The following LVRN variants were observed in gnomAD, a reference collection of about 807,000 sequenced individuals.
The protein encoded by LVRN is laeverin, also known as aminopeptidase Q.
A neutral mutation model predicts 111.4 loss-of-function variants in LVRN; 99 were observed. That is an observed-to-expected ratio of 0.89 (90% CI 0.76 to 1.05). LVRN has a LOEUF of 1.05. Among genes scored for constraint, LVRN ranks in the 50% least tolerant of loss-of-function variants. The pLI, the probability that LVRN is intolerant of heterozygous loss-of-function variation, is 0.00. For synonymous variants in LVRN, 488 were observed against 449.5 expected (o/e 1.09, Z -1.08); for missense variants, 1,414 against 1,206.8 (o/e 1.17, Z -2.54).
intron 1 of LVRN, among the ~76,000 whole-genome samples, chr5:115,968,600 A>C (rs1753253079): frequency 6.6e-6 from 1 of 151,914 alleles, no homozygotes; most frequent in Admixed American, 6.6e-5. Flanking sequence ...CTGGTCCCCC[A>C]CCCTTTTTGA....
At chr5:115,972,122 G>C (rs2112555274) in intron 1 of LVRN, among the ~76,000 whole-genome samples, 1 of 152,150 alleles carries the variant, frequency 6.6e-6, no homozygotes, top group South Asian at 2.1e-4. Context: ...GATAGACAAT[G>C]TTTTCACAGA....
At position 115,999,838 on chromosome 5, in the gene LVRN, T is replaced by C. The variant is rs1164892413; in HGVS notation, c.1451T>C (p.Met484Thr). 1 of 1,613,716 alleles carries C rather than the reference T, an allele frequency of 6.2e-7. No homozygotes were observed. The highest frequency in any genetic ancestry group is 1.7e-5 in the Admixed American group (1 of 59,934). The change falls in exon 7 of 20, where the codon ATG becomes ACG. Residue 484 changes from methionine (M) to threonine (T), a missense_variant. Met to Thr is a moderately conservative substitution (Grantham distance 81). Coordinates refer to ENST00000357872, the MANE Select transcript of LVRN (RefSeq NM_173800.5). Reference sequence around the variant, plus strand: ...GCCCTGGTGACTAGAGCTGTGGCCATGAAGGTGGAAAATTTCAAAACAAGT... The same window carrying C: ...GCCCTGGTGACTAGAGCTGTGGCCACGAAGGTGGAAAATTTCAAAACAAGT... ...DHALVTRAVA[M>T]KVENFKTSEI...
chr5:115,989,031 T>G (rs1247670468), intron 4 of LVRN, among the ~76,000 whole-genome samples: 2 of 152,188 alleles, frequency 1.3e-5, no homozygotes, highest in Admixed American at 1.3e-4. Flanking sequence ...CACTTCTTAC[T>G]GTCCCCCTAG....
intron 2 of LVRN, among the ~76,000 whole-genome samples, chr5:115,983,981 G>C (rs1457893121): frequency 6.6e-6 from 1 of 152,156 alleles, no homozygotes; most frequent in Non-Finnish European, 1.5e-5. Context: ...CTAAAGGCAG[G>C]TTCCCAGGTC....
chr5:115,965,687 T>G lies in LVRN; in HGVS notation c.695+2375T>G, dbSNP rs12153672. Among the ~76,000 whole-genome samples the G allele has an allele frequency of 2.0e-5, 3 of 152,012 alleles. No individual in the cohort carries two copies. The South Asian group carries it at 6.2e-4, about 32-fold the overall frequency. ...GGTTTCCCCCATGCTGTTCTCCTGA[T>G]AGTGAGTGAATCTCATGAGATCTGA... On this transcript the variant is annotated intron_variant, in intron 1 of 19. Coordinates refer to ENST00000357872, the MANE Select transcript of LVRN (RefSeq NM_173800.5).
At chr5:115,968,710 A>T (rs1402756859) in intron 1 of LVRN, among the ~76,000 whole-genome samples, 1 of 152,196 alleles carries the variant, frequency 6.6e-6, no homozygotes, top group Non-Finnish European at 1.5e-5. Context: ...AGAAAGCCAG[A>T]GTCTTTACTT....
intron 12 of LVRN, among the ~76,000 whole-genome samples, chr5:116,005,223 A>G (rs1357516478): frequency 6.6e-6 from 1 of 152,244 alleles, no homozygotes; most frequent in Non-Finnish European, 1.5e-5. Context: ...CCTTAAAGAA[A>G]TGCTGTGAAG....
intron 15 of LVRN, 73 bp downstream of exon 15, chr5:116,012,541 A>G: frequency 1.1e-6 from 1 of 904,216 alleles, no homozygotes. Flanking sequence ...GTAATAAAAT[A>G]AAATCTTCAT....
Position 115,962,579 on chromosome 5 carries a change from C to T in LVRN, c.-39C>T, listed in dbSNP as rs1372786330. On this transcript the variant is annotated 5_prime_UTR_variant, in exon 1 of 20. Coordinates refer to ENST00000357872, the MANE Select transcript of LVRN (RefSeq NM_173800.5). ...CCGGGGTTTTGACAGCTGCCACAGTCTCTGAGCTCCAGCCTCGCGCCTGAA... is the reference window on the plus strand; with the variant it reads ...CCGGGGTTTTGACAGCTGCCACAGTTTCTGAGCTCCAGCCTCGCGCCTGAA... The T allele has an allele frequency of 1.3e-6, 2 of 1,562,906 alleles. No homozygotes were observed. The highest frequency in any genetic ancestry group is 2.3e-5 in the South Asian group (2 of 86,794).
rs371246557 is a variant in LVRN at position 116,026,096 on chromosome 5, C to T, written c.2951C>T (p.Ala984Val). Reference sequence around the variant, plus strand: ...AAGAAGCTAAGTGCCAGGATAGCTGCGTGGCTAAGGAGAAACACATAGCTT... The same window carrying T: ...AAGAAGCTAAGTGCCAGGATAGCTGTGTGGCTAAGGAGAAACACATAGCTT... Reference protein sequence around the residue: ...KNKKLSARIAAWLRRNT With the variant: ...KNKKLSARIAVWLRRNT Residue 984 changes from alanine (A) to valine (V), a missense_variant, in exon 20 of 20, where the codon GCG becomes GTG. Ala to Val is a moderately conservative substitution (Grantham distance 64). Coordinates refer to ENST00000357872, the MANE Select transcript of LVRN (RefSeq NM_173800.5). The T allele has an allele frequency of 8.0e-5, 129 of 1,613,764 alleles. No homozygotes were observed. Among genetic ancestry groups the T allele is most frequent in the East Asian group, 5.6e-4 (25 of 44,862 alleles).
At position 116,001,075 on chromosome 5, in the gene LVRN, T is replaced by A. The variant is rs774234118; in HGVS notation, c.1656T>A (p.Asp552Glu). Reference protein sequence around the residue: ...DLWRHFQMAIDDQSTVILPAT... With the variant: ...DLWRHFQMAIEDQSTVILPAT... ...GTGATTTTTTAAAACAGGCCATAGA[T>A]GACCAGAGTACAGTTATTTTGCCAG... Residue 552 changes from aspartate (D) to glutamate (E), a missense_variant, in exon 10 of 20, where the codon GAT becomes GAA. Physicochemically the swap from Asp to Glu is conservative, Grantham distance 45. Transcript: ENST00000357872. 1 of 1,601,622 alleles carries A rather than the reference T, an allele frequency of 6.2e-7. No homozygotes were observed. Among genetic ancestry groups the A allele is most frequent in the African/African-American group, 1.4e-5 (1 of 73,852 alleles).
chr5:115,991,972 G>A (rs907351283), intron 4 of LVRN, 151 bp from the exon 5 acceptor site: 2 of 631,428 alleles, frequency 3.2e-6, no homozygotes, highest in Admixed American at 3.3e-5. Context: ...TTTGTCTTTG[G>A]CATTAGTCTT....
chr5:115,999,777 T>C lies in LVRN; in HGVS notation c.1390T>C (p.Ser464Pro), dbSNP rs1159171487. 19 of 1,613,414 alleles carry C rather than the reference T, an allele frequency of 1.2e-5. No individual in the cohort carries two copies. Among genetic ancestry groups the C allele is most frequent in the Non-Finnish European group, 1.6e-5 (19 of 1,179,676 alleles). The part of the protein sequence containing the change: ...PKLPRNEIFF[S>P]NILHNILRED... The stretch of plus-strand genomic sequence containing the variant: ...TCCTTTATAGAATGAGATCTTTTTT[T>C]CTAACATTTTACATAATATCCTCAG... Residue 464 changes from serine to proline, a missense_variant, in exon 7 of 20, where the codon TCT (serine) becomes CCT (proline). By Grantham distance (74) the Ser-to-Pro change is moderately conservative. Coordinates refer to ENST00000357872, the MANE Select transcript of LVRN (RefSeq NM_173800.5).
At chr5:115,997,739 A>C (rs1387269346) in intron 6 of LVRN, among the ~76,000 whole-genome samples, 2 of 152,182 alleles carry the variant, frequency 1.3e-5, no homozygotes, top group Non-Finnish European at 2.9e-5. Context: ...GTGAATATAC[A>C]GATTCATATT....
At chr5:115,967,244 C>A (rs13167478) in intron 1 of LVRN, among the ~76,000 whole-genome samples, 3,391 of 152,248 alleles carry the variant, frequency 0.022, 53 homozygotes, top group South Asian at 0.039. Context: ...CTAGGTTCTG[C>A]AGATTTTCTA....
chr5:116,004,444 C>T (rs1247481221), intron 12 of LVRN, among the ~76,000 whole-genome samples: 1 of 152,160 alleles, frequency 6.6e-6, no homozygotes, highest in Non-Finnish European at 1.5e-5. Flanking sequence ...TAAAAGATGT[C>T]TCTCTGTTAA....
At chr5:115,982,106 T>C (rs944055759) in intron 1 of LVRN, among the ~76,000 whole-genome samples, 2 of 152,162 alleles carry the variant, frequency 1.3e-5, no homozygotes, top group African/African-American at 2.4e-5. Context: ...CATATAATAA[T>C]GTGGGCAAGA....
chr5:116,017,072 G>C (rs1463757741), intron 18 of LVRN, among the ~76,000 whole-genome samples: 2 of 152,144 alleles, frequency 1.3e-5, no homozygotes, highest in South Asian at 4.1e-4. Flanking sequence ...AGGGCTTTTG[G>C]GGATTTAAGG....
At chr5:115,975,568 C>T (rs1753427217) in intron 1 of LVRN, 1 of 157,926 alleles carries the variant, frequency 6.3e-6, no homozygotes. Context: ...TTTCCTGTAC[C>T]AGTTTGGGCT....
Sources: gnomAD v4.1 joint callset for allele counts (sites outside exome capture counted in the v4.1 genomes callset) on GRCh38, gnomAD v4.1.1 for gene constraint, MANE v1.5 for transcripts, NCBI Gene and HGNC (gene_info 2026-07-23, HGNC 2026-07-21) for gene names.